The following COL28A1 variants were observed in gnomAD, a reference collection of about 807,000 sequenced individuals.
COL28A1 encodes the protein collagen type XXVIII alpha 1 chain.
Under a neutral mutation model 150.2 loss-of-function variants are expected in COL28A1, and 161 were observed. That is an observed-to-expected ratio of 1.07 (90% confidence interval 0.94 to 1.22). The LOEUF (loss-of-function observed/expected upper bound fraction) is 1.22. COL28A1 is among the 50% of genes most tolerant of loss of function. The pLI, the probability that COL28A1 is intolerant of heterozygous loss-of-function variation, is 0.00. For missense variants in COL28A1, 1,617 were observed against 1,388.3 expected, an observed-to-expected ratio of 1.16 and a Z score of -2.62; for synonymous variants, 552 against 469.7, an observed-to-expected ratio of 1.18 and a Z score of -2.26.
Position 7,370,754 on chromosome 7 carries a change from GAGT to G in COL28A1, c.3034_3036del (p.Thr1012del). ...TCAGAAATTTCTTTTTGAGGCTCTG[GAGT>G]AGATTCACTGAGTTCTTCCCCTGAC... On this transcript the variant is annotated inframe_deletion, in exon 33 of 35. Coordinates refer to ENST00000399429, the MANE Select transcript of COL28A1 (RefSeq NM_001037763.3). 2 of 1,613,470 alleles carry G rather than the reference GAGT, an allele frequency of 1.2e-6. No individual in the cohort carries two copies. Among genetic ancestry groups the G allele is most frequent in the South Asian group, 2.2e-5 (2 of 90,850 alleles).
chr7:7,343,909 G>A, the COL28A1 span, among the ~76,000 whole-genome samples: 1 of 152,042 alleles, frequency 6.6e-6, no homozygotes, highest in Non-Finnish European at 1.5e-5. Context: ...TCGGGAGGCT[G>A]AGGTGGGAGG....
chr7:7,445,369 G>A (rs10249422), intron 18 of COL28A1, among the ~76,000 whole-genome samples: 7,793 of 152,200 alleles, frequency 0.051, 702 homozygotes, highest in African/African-American at 0.18. Context: ...GAGAAGCTAA[G>A]ATGAGACCAG....
intron 21 of COL28A1, among the ~76,000 whole-genome samples, chr7:7,439,652 T>G (rs555750411): frequency 6.6e-6 from 1 of 152,200 alleles, no homozygotes; most frequent in East Asian, 1.9e-4. Context: ...CACTTTGAAA[T>G]AGAGTAACTA....
At chr7:7,503,984 C>A (rs928939972) in intron 11 of COL28A1, among the ~76,000 whole-genome samples, 1 of 151,972 alleles carries the variant, frequency 6.6e-6, no homozygotes, top group Non-Finnish European at 1.5e-5. Context: ...AAAGAGAGGC[C>A]CTTGGGAAAT....
At chr7:7,543,234 T>A in the COL28A1 span, among the ~76,000 whole-genome samples, 4 of 152,222 alleles carry the variant, frequency 2.6e-5, no homozygotes, top group African/African-American at 7.2e-5. Context: ...CCAACAAGAA[T>A]GTTGGTTGGC....
At chr7:7,528,494 C>T (rs1314639118) in intron 3 of COL28A1, among the ~76,000 whole-genome samples, 1 of 152,078 alleles carries the variant, frequency 6.6e-6, no homozygotes, top group African/African-American at 2.4e-5. Flanking sequence ...TTTGTCTTTG[C>T]TCCTGAAGAA....
chr7:7,442,469 GTGA>G (rs1301538610), intron 20 of COL28A1, among the ~76,000 whole-genome samples: 1 of 152,032 alleles, frequency 6.6e-6, no homozygotes, highest in Admixed American at 6.6e-5. Flanking sequence ...TATATTTCAC[GTGA>G]TGATGTTATC....
chr7:7,452,447 T>C, intron 17 of COL28A1, 60 bp from the exon 18 acceptor site: 1 of 1,552,616 alleles, frequency 6.4e-7, no homozygotes. Flanking sequence ...CTGCTGTTGA[T>C]CTCCTAAAAC....
At chr7:7,540,125 A>C (rs796928744), upstream of COL28A1, among the ~76,000 whole-genome samples, 9 of 152,306 alleles carry the variant, frequency 5.9e-5, no homozygotes, top group South Asian at 1.9e-3. Flanking sequence ...GAAATATCTG[A>C]AAGTAGATTG....
chr7:7,437,884 T>C (rs1785457881), intron 21 of COL28A1, among the ~76,000 whole-genome samples: 1 of 152,196 alleles, frequency 6.6e-6, no homozygotes, highest in South Asian at 2.1e-4. Flanking sequence ...TTTATTTTAA[T>C]GACCAAAGGT....
intron 2 of COL28A1, among the ~76,000 whole-genome samples, chr7:7,532,316 G>C (rs906273295): frequency 3.3e-5 from 5 of 151,786 alleles, no homozygotes; most frequent in African/African-American, 1.2e-4. Flanking sequence ...AAACTTTCTT[G>C]AAATCAAGGG....
chr7:7,521,053 A>T (rs576770369), intron 5 of COL28A1, among the ~76,000 whole-genome samples: 1 of 152,282 alleles, frequency 6.6e-6, no homozygotes, highest in African/African-American at 2.4e-5. Context: ...CATTCACAGT[A>T]CACATTCCCC....
intron 7 of COL28A1, among the ~76,000 whole-genome samples, chr7:7,516,875 T>C (rs899825157): frequency 2.0e-5 from 3 of 152,166 alleles, no homozygotes; most frequent in South Asian, 2.1e-4. Context: ...ATTACAGGTA[T>C]GAGTCACTGT....
intron 23 of COL28A1, among the ~76,000 whole-genome samples, chr7:7,433,576 G>A (rs1785131182): frequency 6.7e-6 from 1 of 150,186 alleles, no homozygotes; most frequent in Non-Finnish European, 1.5e-5. Flanking sequence ...TGAGGCTGCA[G>A]TGAGAAGAGA....
intron 23 of COL28A1, among the ~76,000 whole-genome samples, chr7:7,435,759 T>C (rs1485869841): frequency 6.6e-6 from 1 of 152,204 alleles, no homozygotes; most frequent in African/African-American, 2.4e-5. Flanking sequence ...TATAAGCAAG[T>C]TTCAAAGCTA....
intron 27 of COL28A1, among the ~76,000 whole-genome samples, chr7:7,397,731 A>G (rs1259566262): frequency 6.6e-6 from 1 of 152,200 alleles, no homozygotes; most frequent in Non-Finnish European, 1.5e-5. Context: ...CTTTGATGAA[A>G]TAAGGAATGT....
chr7:7,474,723 A>G (rs1301809998), intron 14 of COL28A1, 54 bp from the exon 15 acceptor site: 2 of 852,490 alleles, frequency 2.3e-6, no homozygotes, highest in African/African-American at 1.7e-5. Context: ...GAATTTTAAA[A>G]GAGTTTACAT....
intron 27 of COL28A1, among the ~76,000 whole-genome samples, chr7:7,410,287 A>G (rs73674530): frequency 0.017 from 2,631 of 152,270 alleles, 69 homozygotes; most frequent in African/African-American, 0.06. Flanking sequence ...GACGCTTTCA[A>G]TGTCTATAAC....
intron 21 of COL28A1, among the ~76,000 whole-genome samples, chr7:7,437,767 G>A (rs1003400889): frequency 1.3e-5 from 2 of 152,044 alleles, no homozygotes; most frequent in Non-Finnish European, 2.9e-5. Context: ...TCCTTTTTGT[G>A]TTGTATGTTG....
Sources: gnomAD v4.1 joint callset for allele counts (sites outside exome capture counted in the v4.1 genomes callset) on GRCh38, gnomAD v4.1.1 for gene constraint, MANE v1.5 for transcripts, NCBI Gene and HGNC (gene_info 2026-07-23, HGNC 2026-07-21) for gene names.